The following SLC2A12 variants were observed in gnomAD, a reference collection of about 807,000 sequenced individuals.
The protein encoded by SLC2A12 is solute carrier family 2, facilitated glucose transporter member 12.
A neutral mutation model predicts 41.8 loss-of-function variants in SLC2A12; 23 were observed. The ratio of observed to expected loss-of-function variants is 0.55; its 90% CI spans 0.40 to 0.78. SLC2A12 has a LOEUF of 0.78. SLC2A12 is among the 30% of genes least tolerant of loss of function. SLC2A12 has a pLI of 0.00. For missense variants in SLC2A12, 654 were observed against 745.6 expected (o/e 0.88, Z 1.43); for synonymous variants, 295 against 285.9 (o/e 1.03, Z -0.32).
intron 2 of SLC2A12, among the ~76,000 whole-genome samples, chr6:134,016,620 A>T (rs1198272899): frequency 6.6e-6 from 1 of 152,212 alleles, no homozygotes; most frequent in African/African-American, 2.4e-5. Context: ...TATGGATAAT[A>T]AACTGCCCTT....
intron 2 of SLC2A12, among the ~76,000 whole-genome samples, chr6:134,023,377 G>T (rs1330305221): frequency 6.6e-6 from 1 of 152,190 alleles, no homozygotes; most frequent in South Asian, 2.1e-4. Flanking sequence ...GCATCGCTCC[G>T]AGTGGCAGGA....
At chr6:134,042,581 A>T (rs868371772) in intron 1 of SLC2A12, among the ~76,000 whole-genome samples, 1 of 151,990 alleles carries the variant, frequency 6.6e-6, no homozygotes, top group Non-Finnish European at 1.5e-5. Flanking sequence ...AGGTCAGGAC[A>T]AGTTGTCGAG....
chr6:134,051,808 C>G (rs577122667), intron 1 of SLC2A12, among the ~76,000 whole-genome samples: 2 of 152,280 alleles, frequency 1.3e-5, no homozygotes, highest in Admixed American at 1.3e-4. Flanking sequence ...CTGAATAACG[C>G]TCAAATTCAT....
chr6:133,991,159 G>A lies in SLC2A12; in HGVS notation c.1850C>T (p.Thr617Ile). 1 of 1,612,432 alleles carries A rather than the reference G, an allele frequency of 6.2e-7. No homozygotes were observed. Among genetic ancestry groups the A allele is most frequent in the Non-Finnish European group, 8.5e-7 (1 of 1,179,578 alleles). ...RGQSRQLSPET is the reference protein window; with the variant it reads ...RGQSRQLSPEI The stretch of plus-strand genomic sequence containing the variant: ...GTTCAGAAGGTGTTGAGGCCATTAG[G>A]TCTCTGGAGAAAGCTGCCTGGATTG... The change falls in exon 5 of 5, where the codon ACC (threonine) becomes ATC (isoleucine). Residue 617 changes from threonine (T) to isoleucine (I), a missense_variant. This residue lies in a region of SLC2A12 where 134 missense variants were observed against 180.5 expected (regional missense o/e 0.74). Coordinates refer to ENST00000275230, the MANE Select transcript of SLC2A12 (RefSeq NM_145176.3).
chr6:134,011,492 G>A (rs1244088951), intron 2 of SLC2A12, among the ~76,000 whole-genome samples: 1 of 151,992 alleles, frequency 6.6e-6, no homozygotes, highest in African/African-American at 2.4e-5. Context: ...GTGTGGTGAT[G>A]TGTGCCTGTA....
chr6:134,037,847 G>T (rs1227257087), intron 1 of SLC2A12, among the ~76,000 whole-genome samples: 1 of 152,166 alleles, frequency 6.6e-6, no homozygotes, highest in African/African-American at 2.4e-5. Flanking sequence ...TTAGCAGAAG[G>T]CTCACCTCCT....
At chr6:134,036,763 A>G (rs573193637) in intron 1 of SLC2A12, among the ~76,000 whole-genome samples, 3 of 152,378 alleles carry the variant, frequency 2.0e-5, no homozygotes, top group South Asian at 4.1e-4. Context: ...TTATCTTCAT[A>G]TAAATATTTA....
At chr6:134,005,532 C>G (rs1776801246) in intron 3 of SLC2A12, among the ~76,000 whole-genome samples, 1 of 151,640 alleles carries the variant, frequency 6.6e-6, no homozygotes, top group African/African-American at 2.4e-5. Flanking sequence ...TGGTGGTGCG[C>G]ACCTGTAGTC....
Position 134,027,563 on chromosome 6 carries a change from C to A in SLC2A12, c.1444+818G>T, listed in dbSNP as rs111894356. The stretch of plus-strand genomic sequence containing the variant: ...GGGGGTAATAGAGGCTACCTTTAAG[C>A]TTTTAAGTCCTCCTTTTTTTTCTAG... On this transcript the variant is annotated intron_variant, in intron 2 of 4. Transcript: ENST00000275230. 3.5e-3 allele frequency among the ~76,000 whole-genome samples: 526 copies of A among 152,208 alleles called. 2 individuals are homozygous for A. The highest frequency in any genetic ancestry group is 5.2e-3 in the Non-Finnish European group (357 of 68,018).
intron 2 of SLC2A12, among the ~76,000 whole-genome samples, chr6:134,023,929 C>T (rs1777079230): frequency 1.3e-5 from 2 of 152,180 alleles, no homozygotes; most frequent in African/African-American, 4.8e-5. Flanking sequence ...CCCAGAATTC[C>T]CTTCCCCTGG....
At chr6:134,030,067 G>A (rs907603608) in intron 1 of SLC2A12, among the ~76,000 whole-genome samples, 1 of 152,136 alleles carries the variant, frequency 6.6e-6, no homozygotes, top group Admixed American at 6.5e-5. Flanking sequence ...TTCATGACTT[G>A]GCAGTGGATC....
intron 1 of SLC2A12, among the ~76,000 whole-genome samples, chr6:134,032,825 ATT>A (rs1777240112): frequency 6.9e-6 from 1 of 143,908 alleles, no homozygotes; most frequent in Non-Finnish European, 1.5e-5. Flanking sequence ...ATATATATAA[ATT>A]ATATATTATT....
In SLC2A12 at chr6:134,052,433, C is replaced by A; in HGVS notation, c.48G>T (p.Lys16Asn). ...NTEGPSLLNQ[K>N]GTAVETEGSG... ...TGCCCTCCGTCTCCACGGCTGTCCC[C>A]TTCTGGTTCAGCAGACTGGGGCCCT... The change falls in exon 1 of 5, where the codon AAG becomes AAT. Residue 16 changes from lysine to asparagine, a missense_variant. By Grantham distance (94) the Lys-to-Asn change is moderately conservative. Around this residue, in one of 3 missense-constraint regions of SLC2A12, gnomAD observed 109 missense variants for 153.0 expected, o/e 0.71. Transcript: ENST00000275230. 6.2e-7 allele frequency: 1 copy of A among 1,613,672 alleles called. No homozygotes were observed. The highest frequency in any genetic ancestry group is 8.5e-7 in the Non-Finnish European group (1 of 1,180,042).
chr6:134,035,686 A>T (rs767006783), intron 1 of SLC2A12, among the ~76,000 whole-genome samples: 15 of 152,020 alleles, frequency 9.9e-5, no homozygotes, highest in Non-Finnish European at 2.2e-4. Context: ...GTTAGCTGTG[A>T]CCCTGATGAG....
chr6:134,038,850 G>A (rs978939136), intron 1 of SLC2A12, among the ~76,000 whole-genome samples: 7 of 151,666 alleles, frequency 4.6e-5, no homozygotes, highest in Admixed American at 4.6e-4. Flanking sequence ...GATTACAGGT[G>A]CCTATCACCA....
chr6:134,024,231 A>C (rs183877769), intron 2 of SLC2A12, among the ~76,000 whole-genome samples: 281 of 152,320 alleles, frequency 1.8e-3, no homozygotes, highest in African/African-American at 6.5e-3. Flanking sequence ...TGAGTGCTGC[A>C]GTTTCCTCCC....
intron 1 of SLC2A12, among the ~76,000 whole-genome samples, chr6:134,046,312 AAC>A (rs1777453782): frequency 6.6e-6 from 1 of 152,256 alleles, no homozygotes; most frequent in African/African-American, 2.4e-5. Context: ...ATCACAATTT[AAC>A]AGTTTAAAAT....
intron 1 of SLC2A12, among the ~76,000 whole-genome samples, chr6:134,030,901 T>G (rs1485300278): frequency 6.6e-6 from 1 of 152,090 alleles, no homozygotes; most frequent in Non-Finnish European, 1.5e-5. Context: ...CGCTATAGGT[T>G]TCTTATTTAT....
intron 1 of SLC2A12, among the ~76,000 whole-genome samples, chr6:134,048,390 A>G (rs1362919553): frequency 6.6e-6 from 1 of 152,136 alleles, no homozygotes; most frequent in Non-Finnish European, 1.5e-5. Flanking sequence ...TGAGGTTAGG[A>G]GTTGGAGACC....
Sources: gnomAD v4.1 joint callset for allele counts (sites outside exome capture counted in the v4.1 genomes callset) on GRCh38, gnomAD v4.1.1 for gene constraint, gnomAD v4.1.1 regional missense constraint, MANE v1.5 for transcripts, NCBI Gene and HGNC (gene_info 2026-07-23, HGNC 2026-07-21) for gene names.